ITGB3BP: variants seen among roughly 807,000 people sequenced by gnomAD.
The protein encoded by ITGB3BP is centromere protein R.
A neutral mutation model predicts 29.1 loss-of-function variants in ITGB3BP; 27 were observed. The observed-to-expected ratio is 0.93, with a 90% CI of 0.68 to 1.28. The LOEUF (loss-of-function observed/expected upper bound fraction) is 1.28, where lower values mean the gene tolerates loss of function less well. Among genes scored for constraint, ITGB3BP ranks in the 50% most tolerant of loss-of-function variants. The pLI is 0.00. For synonymous variants in ITGB3BP, 61 were observed against 61.4 expected, an observed-to-expected ratio of 0.99 and a Z score of 0.03; for missense variants, 192 against 200.2, an observed-to-expected ratio of 0.96 and a Z score of 0.25.
chr1:63,461,083 CAAAA>C (rs35518465), intron 4 of ITGB3BP, among the ~76,000 whole-genome samples: 1 of 97,586 alleles, frequency 1.0e-5, no homozygotes. Flanking sequence ...ACTAAAACTA[CAAAA>C]AAAAAAAAAA....
At chr1:63,509,199 T>C (rs1328115002) in intron 1 of ITGB3BP, among the ~76,000 whole-genome samples, 1 of 152,230 alleles carries the variant, frequency 6.6e-6, no homozygotes, top group Non-Finnish European at 1.5e-5. Context: ...GCAAAATCTG[T>C]TCTGCTAAAC....
chr1:63,458,588 G>A (rs1644968233), intron 4 of ITGB3BP, among the ~76,000 whole-genome samples: 1 of 152,100 alleles, frequency 6.6e-6, no homozygotes, highest in African/African-American at 2.4e-5. Context: ...AGGCATTGTG[G>A]ATATAGTGGA....
At chr1:63,528,807 T>C (rs1040722204) in intron 2 of ITGB3BP, among the ~76,000 whole-genome samples, 2 of 152,212 alleles carry the variant, frequency 1.3e-5, no homozygotes, top group African/African-American at 2.4e-5. Flanking sequence ...AATAATTTAG[T>C]AGTTGTGTAA....
At chr1:63,456,349 G>C (rs549462133) in intron 4 of ITGB3BP, among the ~76,000 whole-genome samples, 29 of 152,112 alleles carry the variant, frequency 1.9e-4, no homozygotes, top group African/African-American at 6.7e-4. Context: ...TTCTTTAAAA[G>C]TTTTCCTTTA....
chr1:63,444,485 AGGATATATATATTACATATAG>A (rs1570108402), intron 8 of ITGB3BP, among the ~76,000 whole-genome samples: 1 of 146,470 alleles, frequency 6.8e-6, no homozygotes, highest in Non-Finnish European at 1.5e-5. Flanking sequence ...TATTACATAT[AGGATATATATATTACATATAG>A]GATATATATG....
At chr1:63,444,467 GATATATATATTACATATAGGAT>G (rs1379343709) in intron 8 of ITGB3BP, among the ~76,000 whole-genome samples, 1 of 10,022 alleles carries the variant, frequency 1.0e-4, no homozygotes, top group African/African-American at 1.3e-3. Context: ...TTACATATAG[GATATATATATTACATATAGGAT>G]ATATATATTA....
intron 4 of ITGB3BP, among the ~76,000 whole-genome samples, chr1:63,463,633 G>C (rs2100547697): frequency 6.6e-6 from 1 of 152,282 alleles, no homozygotes; most frequent in East Asian, 1.9e-4. Context: ...TACAGCAGCA[G>C]CAAATTGCCA....
At chr1:63,444,460 C>T (rs1248065611) in intron 8 of ITGB3BP, among the ~76,000 whole-genome samples, 15 of 10,078 alleles carry the variant, frequency 1.5e-3, no homozygotes, top group African/African-American at 8.2e-3. Context: ...ATATATATTA[C>T]ATATAGGATA....
At chr1:63,507,952 A>C (rs1019004295) in intron 2 of ITGB3BP, among the ~76,000 whole-genome samples, 8 of 152,200 alleles carry the variant, frequency 5.3e-5, no homozygotes, top group Non-Finnish European at 1.0e-4. Flanking sequence ...ATAATAAACT[A>C]ACATATGTCA....
intron 2 of ITGB3BP, among the ~76,000 whole-genome samples, chr1:63,490,678 C>T (rs575128406): frequency 6.0e-4 from 92 of 152,256 alleles, no homozygotes; most frequent in African/African-American, 2.2e-3. Context: ...CATCTTGCTT[C>T]AATAATCACC....
chr1:63,518,114 A>G (rs1646374615), intron 1 of ITGB3BP, among the ~76,000 whole-genome samples: 1 of 152,108 alleles, frequency 6.6e-6, no homozygotes, highest in African/African-American at 2.4e-5. Context: ...CTTTTTCCTA[A>G]TCTTAAAAAA....
At chr1:63,471,583 C>T (rs1224784830) in intron 4 of ITGB3BP, among the ~76,000 whole-genome samples, 1 of 152,026 alleles carries the variant, frequency 6.6e-6, no homozygotes, top group Non-Finnish European at 1.5e-5. Flanking sequence ...CTTTCATATT[C>T]AGACTTCCAA....
upstream of ITGB3BP, chr1:63,523,233 G>A (rs17125090): frequency 0.28 from 428,570 of 1,532,432 alleles, 63,889 homozygotes; most frequent in Non-Finnish European, 0.31. Context: ...CATGAAAAGC[G>A]CGCGCTGGAC....
chr1:63,500,629 C>T (rs979510248), intron 2 of ITGB3BP, among the ~76,000 whole-genome samples: 2 of 152,008 alleles, frequency 1.3e-5, no homozygotes, highest in Admixed American at 6.6e-5. Context: ...AGATAATAAG[C>T]GAGATCTAAA....
intron 4 of ITGB3BP, among the ~76,000 whole-genome samples, chr1:63,466,050 T>C (rs1645095083): frequency 1.3e-5 from 2 of 152,192 alleles, no homozygotes; most frequent in South Asian, 4.1e-4. Flanking sequence ...AACTACTTTT[T>C]CCTCAAATGC....
At chr1:63,447,039 T>G (rs1644799540) in intron 7 of ITGB3BP, 183 bp from the exon 8 acceptor site, 1 of 562,932 alleles carries the variant, frequency 1.8e-6, no homozygotes. Flanking sequence ...AGCCTGATTC[T>G]ATTTCAGAAT....
intron 4 of ITGB3BP, among the ~76,000 whole-genome samples, chr1:63,473,171 T>C (rs1205545595): frequency 2.0e-5 from 3 of 146,666 alleles, no homozygotes; most frequent in African/African-American, 7.7e-5. Flanking sequence ...GCCGCAACCC[T>C]GTCTGGGAGG....
At position 63,446,870 on chromosome 1, in the gene ITGB3BP, G is replaced by T; in HGVS notation, c.485-14C>A. Reference sequence around the variant, plus strand: ...GATGACGTGATGCTATATGAAAGAAGAAAGGTTTTTTTTTTCAGAAAACAA... The same window carrying T: ...GATGACGTGATGCTATATGAAAGAATAAAGGTTTTTTTTTTCAGAAAACAA... On this transcript the variant is annotated splice_polypyrimidine_tract_variant and intron_variant, in intron 7 of 8. Transcript: ENST00000271002. 1 of 1,587,102 alleles carries T rather than the reference G, an allele frequency of 6.3e-7. No homozygotes were observed. The highest frequency in any genetic ancestry group is 8.6e-7 in the Non-Finnish European group (1 of 1,163,954).
At chr1:63,509,967 T>G (rs1382274587) in intron 1 of ITGB3BP, 5 of 412,172 alleles carry the variant, frequency 1.2e-5, no homozygotes, top group African/African-American at 8.2e-5. Context: ...CTGAGGTGGG[T>G]GGATCACCTG....
Sources: allele counts gnomAD v4.1 joint callset (sites outside exome capture counted in the v4.1 genomes callset), GRCh38; gene constraint gnomAD v4.1.1; transcripts MANE v1.5; gene names NCBI Gene and HGNC (gene_info 2026-07-23, HGNC 2026-07-21).